Variants in ST6GALNAC3 observed in about 807,000 individuals in gnomAD.
The protein encoded by ST6GALNAC3 is alpha-N-acetylgalactosaminide alpha-2,6-sialyltransferase 3.
Under a neutral mutation model 32.7 loss-of-function variants are expected in ST6GALNAC3, and 25 were observed. The ratio of observed to expected loss-of-function variants is 0.76; its 90% confidence interval spans 0.56 to 1.07. ST6GALNAC3 has a LOEUF of 1.07. Ranked by LOEUF, ST6GALNAC3 falls within the 50% of genes least tolerant of loss-of-function variation. ST6GALNAC3 has a pLI of 0.00. For synonymous variants in ST6GALNAC3, 129 were observed against 133.1 expected, an observed-to-expected ratio of 0.97 and a Z score of 0.21; for missense variants, 355 against 382.4, an observed-to-expected ratio of 0.93 and a Z score of 0.60.
chr1:76,599,962 A>G (rs977681134), intron 3 of ST6GALNAC3, among the ~76,000 whole-genome samples: 1 of 152,138 alleles, frequency 6.6e-6, no homozygotes, highest in Non-Finnish European at 1.5e-5. Flanking sequence ...CTTAAAATCT[A>G]TTTTAGAACA....
rs77171117 is a variant in ST6GALNAC3 at position 76,131,206 on chromosome 1, G to A, written c.18+56322G>A. Among the ~76,000 whole-genome samples, 1,251 of 152,286 alleles carry A rather than the reference G, an allele frequency of 8.2e-3. 15 individuals are homozygous for A. Among genetic ancestry groups the A allele is most frequent in the African/African-American group, 0.029 (1,204 of 41,570 alleles). On this transcript the variant is annotated intron_variant, in intron 1 of 4. Coordinates refer to ENST00000328299, the MANE Select transcript of ST6GALNAC3 (RefSeq NM_152996.4). ...CCCTGAGAAACTGTACTTGTTGGGT[G>A]GGTCCTTGAATCTTATCTGGATTTA...
intron 2 of ST6GALNAC3, among the ~76,000 whole-genome samples, chr1:76,319,494 G>A (rs1378353801): frequency 6.6e-6 from 1 of 152,102 alleles, no homozygotes; most frequent in African/African-American, 2.4e-5. Flanking sequence ...TAACAATTAA[G>A]GAAGAGAGCT....
chr1:76,079,706 G>A (rs562647384), intron 1 of ST6GALNAC3, among the ~76,000 whole-genome samples: 38 of 152,234 alleles, frequency 2.5e-4, no homozygotes, highest in South Asian at 4.2e-4. Flanking sequence ...GGAACTTGGC[G>A]TCTTCTCATT....
chr1:76,513,693 T>A (rs1347710039), intron 3 of ST6GALNAC3, among the ~76,000 whole-genome samples: 1 of 152,106 alleles, frequency 6.6e-6, no homozygotes, highest in African/African-American at 2.4e-5. Context: ...ATTTTGGTAT[T>A]TTGGTATTTG....
At chr1:76,102,314 A>C (rs1350435984) in intron 1 of ST6GALNAC3, among the ~76,000 whole-genome samples, 1 of 151,640 alleles carries the variant, frequency 6.6e-6, no homozygotes, top group Admixed American at 6.6e-5. Context: ...CATTATTTTT[A>C]GATGTGTCTC....
intron 1 of ST6GALNAC3, among the ~76,000 whole-genome samples, chr1:76,275,856 G>A (rs1659103589): frequency 6.6e-6 from 1 of 152,106 alleles, no homozygotes; most frequent in Non-Finnish European, 1.5e-5. Flanking sequence ...ATATCTGAAT[G>A]GGTCACATGT....
intron 3 of ST6GALNAC3, among the ~76,000 whole-genome samples, chr1:76,538,625 C>G (rs368526965): frequency 2.0e-5 from 3 of 152,264 alleles, no homozygotes; most frequent in South Asian, 4.1e-4. Flanking sequence ...AAAACCCCAT[C>G]ATATCAGCCC....
chr1:76,499,692 C>A (rs2101721015), intron 3 of ST6GALNAC3, among the ~76,000 whole-genome samples: 1 of 152,122 alleles, frequency 6.6e-6, no homozygotes, highest in South Asian at 2.1e-4. Context: ...ATGTGCTATG[C>A]TAATAGAACC....
intron 1 of ST6GALNAC3, among the ~76,000 whole-genome samples, chr1:76,169,276 C>G (rs1159374351): frequency 6.6e-6 from 1 of 152,256 alleles, no homozygotes; most frequent in East Asian, 1.9e-4. Flanking sequence ...AATATTGACC[C>G]CCAATCTCTT....
intron 3 of ST6GALNAC3, among the ~76,000 whole-genome samples, chr1:76,459,540 G>T (rs1658129930): frequency 6.6e-6 from 1 of 151,234 alleles, no homozygotes; most frequent in Non-Finnish European, 1.5e-5. Context: ...CTCCAGCCTG[G>T]GCGACAGAGC....
intron 3 of ST6GALNAC3, among the ~76,000 whole-genome samples, chr1:76,419,635 G>T (rs927869986): frequency 6.6e-6 from 1 of 151,932 alleles, no homozygotes; most frequent in Non-Finnish European, 1.5e-5. Flanking sequence ...TGAGCCAGCA[G>T]CAATCTCTGT....
intron 3 of ST6GALNAC3, among the ~76,000 whole-genome samples, chr1:76,489,234 A>G (rs921434708): frequency 6.6e-6 from 1 of 152,154 alleles, no homozygotes; most frequent in Non-Finnish European, 1.5e-5. Context: ...TTATGGTAAT[A>G]TTGAACTTAT....
At chr1:76,139,331 A>T (rs557143304) in intron 1 of ST6GALNAC3, among the ~76,000 whole-genome samples, 2 of 152,354 alleles carry the variant, frequency 1.3e-5, no homozygotes, top group South Asian at 4.1e-4. Context: ...GTATATATAT[A>T]GCACTCACAT....
At chr1:76,196,920 C>T (rs912378284) in intron 1 of ST6GALNAC3, among the ~76,000 whole-genome samples, 3 of 152,176 alleles carry the variant, frequency 2.0e-5, no homozygotes, top group African/African-American at 7.2e-5. Context: ...TTTAACTTTG[C>T]TCAAGAACTG....
intron 3 of ST6GALNAC3, among the ~76,000 whole-genome samples, chr1:76,544,697 C>T (rs971492161): frequency 2.0e-5 from 3 of 152,060 alleles, no homozygotes; most frequent in Non-Finnish European, 4.4e-5. Flanking sequence ...ATGAAATATC[C>T]AAGGCAGGAA....
intron 2 of ST6GALNAC3, among the ~76,000 whole-genome samples, chr1:76,314,994 A>G (rs1468460594): frequency 6.6e-6 from 1 of 152,072 alleles, no homozygotes; most frequent in East Asian, 1.9e-4. Context: ...TCAATCTCAT[A>G]TCTGAGTCAT....
At chr1:76,255,422 A>G (rs1010738151) in intron 1 of ST6GALNAC3, among the ~76,000 whole-genome samples, 3 of 152,106 alleles carry the variant, frequency 2.0e-5, no homozygotes, top group African/African-American at 7.2e-5. Flanking sequence ...ATGCTGTAGC[A>G]CTTATCCACT....
chr1:76,611,040 G>A (rs140889910), intron 3 of ST6GALNAC3, among the ~76,000 whole-genome samples: 455 of 151,598 alleles, frequency 3.0e-3, no homozygotes, highest in African/African-American at 0.01. Context: ...ATTAAAATTA[G>A]AGAATTAATC....
At chr1:76,488,887 A>G (rs1660308830) in intron 3 of ST6GALNAC3, among the ~76,000 whole-genome samples, 2 of 152,142 alleles carry the variant, frequency 1.3e-5, no homozygotes, top group Admixed American at 1.3e-4. Context: ...CTGGCTGTTG[A>G]CTGTCCAGCA....
Sources: gnomAD v4.1 joint callset for allele counts (sites outside exome capture counted in the v4.1 genomes callset) on GRCh38, gnomAD v4.1.1 for gene constraint, MANE v1.5 for transcripts, NCBI Gene and HGNC (gene_info 2026-07-23, HGNC 2026-07-21) for gene names.